Variants in TMEM94 observed in about 807,000 individuals in gnomAD.
TMEM94 encodes ER Mg2+ ATPase.
A neutral mutation model predicts 158.6 loss-of-function variants in TMEM94; 81 were observed. That is an observed-to-expected ratio of 0.51 (90% CI 0.43 to 0.61). TMEM94 has a LOEUF of 0.61. Among genes scored for constraint, TMEM94 ranks in the 20% least tolerant of loss-of-function variants. TMEM94 has a pLI of 0.00. For synonymous variants in TMEM94, 751 were observed against 730.7 expected (o/e 1.03, Z -0.45); for missense variants, 1,435 against 1,762.0 (o/e 0.81, Z 3.32).
At chr17:75,497,057 T>C in intron 25 of TMEM94, 56 bp from the exon 26 acceptor site, 2 of 1,487,678 alleles carry the variant, frequency 1.3e-6, no homozygotes, top group South Asian at 1.1e-5. Context: ...GGGGCTCCTA[T>C]GCCCTTATTA....
At chr17:75,465,736 G>A (rs1203277137) in intron 1 of TMEM94, among the ~76,000 whole-genome samples, 1 of 146,730 alleles carries the variant, frequency 6.8e-6, no homozygotes, top group Non-Finnish European at 1.5e-5. Context: ...ACGTGATTTT[G>A]GTATGTTGCT....
chr17:75,476,887 G>T, intron 2 of TMEM94: 1 of 1,346,778 alleles, frequency 7.4e-7, no homozygotes. Context: ...ATGGGTAGCT[G>T]GGACCTGGGA....
At chr17:75,490,087 A>G (rs1411311709) in intron 9 of TMEM94, 147 bp from the exon 10 acceptor site, 1 of 1,257,630 alleles carries the variant, frequency 8.0e-7, no homozygotes, top group Non-Finnish European at 1.1e-6. Flanking sequence ...CAAAAAAAAA[A>G]AAAAAGAACA....
rs368479693 is a variant in TMEM94 at position 75,473,186 on chromosome 17, G to T, written c.24+1257G>T. ...AGGCTGGCTGACTGCTTTCTGTTCAGCTCCAGGCTTCCTATGTCTCTGGAC... is the reference window on the plus strand; with the variant it reads ...AGGCTGGCTGACTGCTTTCTGTTCATCTCCAGGCTTCCTATGTCTCTGGAC... On this transcript the variant is annotated intron_variant, in intron 2 of 31. Transcript: ENST00000314256. Among the ~76,000 whole-genome samples the T allele has an allele frequency of 3.3e-4, 50 of 152,300 alleles. 1 individual carries two copies. Among genetic ancestry groups the T allele is most frequent in the East Asian group, 2.1e-3 (11 of 5,190 alleles).
chr17:75,492,013 TC>T lies in TMEM94; in HGVS notation c.1596+116del. On this transcript the variant is annotated intron_variant, in intron 14 of 31. Transcript: ENST00000314256. The surrounding 1 kb of genome is among the most constrained non-coding windows in gnomAD (Gnocchi z 4.4). ...AAAGAGCAGGCGTCTCTGCCCTCTGTCCCAGCACCTCCAGGCTAGGCCAGTG... is the reference window on the plus strand; with the variant it reads ...AAAGAGCAGGCGTCTCTGCCCTCTGTCCAGCACCTCCAGGCTAGGCCAGTG... 9.1e-7 allele frequency: 1 copy of T among 1,095,912 alleles called. No individual in the cohort carries two copies. Among genetic ancestry groups the T allele is most frequent in the Non-Finnish European group, 1.3e-6 (1 of 756,480 alleles). 67.9% of individuals were successfully genotyped at this position (1,095,912 alleles called of 1,614,324 possible).
chr17:75,476,452 G>T, intron 2 of TMEM94: 1 of 1,319,998 alleles, frequency 7.6e-7, no homozygotes, highest in Non-Finnish European at 9.8e-7. Context: ...CAGGGCTGCT[G>T]CCTCCTCCTC....
In TMEM94 at chr17:75,487,858, G is replaced by A; in HGVS notation, c.410-74G>A. 7.9e-7 allele frequency: 1 copy of A among 1,273,004 alleles called. No homozygotes were observed. Among genetic ancestry groups the A allele is most frequent in the Non-Finnish European group, 1.1e-6 (1 of 884,390 alleles). 78.9% of individuals were successfully genotyped at this position (1,273,004 alleles called of 1,614,324 possible). A position where few individuals can be genotyped will look rare whatever the true frequency, so the allele number is the denominator to read the frequency against. ...AGGAAGTGGGCAGACAGTGCTTCCG[G>A]AAGTGCTGCTGTATCTGACTGGGGG... On this transcript the variant is annotated intron_variant, in intron 5 of 31. Coordinates refer to ENST00000314256, the MANE Select transcript of TMEM94 (RefSeq NM_014738.6). The surrounding 1 kb of genome is among the most constrained non-coding windows in gnomAD (Gnocchi z 4.6).
At chr17:75,476,835 A>G in intron 2 of TMEM94, 2 of 1,516,892 alleles carry the variant, frequency 1.3e-6, no homozygotes, top group Non-Finnish European at 1.8e-6. Context: ...TTGCTGTGAG[A>G]GTCCTGAAGA....
chr17:75,481,539 T>C (rs2051159884), intron 2 of TMEM94, among the ~76,000 whole-genome samples: 1 of 152,190 alleles, frequency 6.6e-6, no homozygotes, highest in African/African-American at 2.4e-5. Flanking sequence ...CCACTCTTAC[T>C]TATGGGATGT....
chr17:75,462,390 A>C (rs568773013), intron 1 of TMEM94, among the ~76,000 whole-genome samples: 27 of 151,960 alleles, frequency 1.8e-4, no homozygotes, highest in Admixed American at 9.8e-4. Flanking sequence ...TGGAGAAGCT[A>C]TTGGATTTTT....
rs756609556 is a variant in TMEM94 at position 75,486,002 on chromosome 17, T to C, written c.272+4T>C. The C allele has an allele frequency of 4.4e-6, 7 of 1,584,928 alleles. No homozygotes were observed. The highest frequency in any genetic ancestry group is 5.1e-6 in the Non-Finnish European group (6 of 1,169,342). On this transcript the variant is annotated splice_donor_region_variant and intron_variant, in intron 4 of 31. Transcript: ENST00000314256. ...GCGGGGGACAGCCAGCCGGGAGGTG[T>C]GCGCCCAGGGGCTGCTCCCCAACCT...
In TMEM94 at chr17:75,465,005, G is replaced by A. The variant is rs2050252957; in HGVS notation, c.-106-6795G>A. ...TGAGCCACTGCACCCGGCTCTTTTT[G>A]TTGTTGTTGTTAGAGACAGGGTCTC... On this transcript the variant is annotated intron_variant, in intron 1 of 31. Coordinates refer to ENST00000314256, the MANE Select transcript of TMEM94 (RefSeq NM_014738.6). Among the ~76,000 whole-genome samples the A allele has an allele frequency of 2.0e-5, 3 of 151,796 alleles. No individual in the cohort carries two copies. The South Asian group carries it at 6.2e-4, about 32-fold the overall frequency.
At chr17:75,463,176 G>A (rs1474824762) in intron 1 of TMEM94, among the ~76,000 whole-genome samples, 456 of 8,972 alleles carry the variant, frequency 0.051, 70 homozygotes, top group African/African-American at 0.29. Flanking sequence ...GTGTGTGTGT[G>A]TGTATATATA....
intron 31 of TMEM94, 90 bp downstream of exon 31, chr17:75,499,172 G>A (rs1475972315): frequency 2.5e-6 from 4 of 1,590,880 alleles, no homozygotes; most frequent in Non-Finnish European, 3.4e-6. Flanking sequence ...CCTTTCCGCT[G>A]CCCATCCCTC....
chr17:75,471,745 C>T (rs1224541050), intron 1 of TMEM94, 55 bp from the exon 2 acceptor site: 3 of 653,336 alleles, frequency 4.6e-6, no homozygotes, highest in Non-Finnish European at 8.0e-6. Context: ...TGTTGTGTTT[C>T]ACAGTAGCTG....
At chr17:75,474,918 C>T (rs1226385778) in intron 2 of TMEM94, among the ~76,000 whole-genome samples, 2 of 152,106 alleles carry the variant, frequency 1.3e-5, no homozygotes, top group Admixed American at 1.3e-4. Flanking sequence ...GGGTGCAGGG[C>T]TCCCTTCTCC....
chr17:75,477,941 G>A (rs1322386003), intron 2 of TMEM94, among the ~76,000 whole-genome samples: 1 of 149,640 alleles, frequency 6.7e-6, no homozygotes, highest in African/African-American at 2.5e-5. Context: ...CCCGAGAGAC[G>A]GAGGTTGTGG....
At position 75,492,504 on chromosome 17, in the gene TMEM94, G is replaced by A. The variant is rs987008246; in HGVS notation, c.1627G>A (p.Glu543Lys). 20 of 1,605,948 alleles carry A rather than the reference G, an allele frequency of 1.2e-5. No homozygotes were observed. In the African/African-American group the frequency reaches 1.9e-4, roughly 15 times the overall value. The part of the protein sequence containing the change: ...TQPGMESDPY[E>K]AEDFVCDYHL... The stretch of plus-strand genomic sequence containing the variant: ...GCCTGGGATGGAGAGCGACCCCTAC[G>A]AAGCAGAGGACTTTGTGTGTGACTA... Residue 543 changes from glutamate (E) to lysine (K), a missense_variant, in exon 15 of 32, where the codon GAA (glutamate) becomes AAA (lysine). Around this residue, in one of 3 missense-constraint regions of TMEM94, gnomAD observed 1,051 missense variants for 1,254.4 expected, o/e 0.84. Coordinates refer to ENST00000314256, the MANE Select transcript of TMEM94 (RefSeq NM_014738.6). This position sits in a 1 kb window ranked among gnomAD's most constrained non-coding sequence, Gnocchi z 4.4.
chr17:75,480,387 C>T (rs1300803094), intron 2 of TMEM94, among the ~76,000 whole-genome samples: 2 of 152,242 alleles, frequency 1.3e-5, no homozygotes, highest in African/African-American at 4.8e-5. Context: ...CAAGCGGGGG[C>T]AGATGCACAC....
Sources: gnomAD v4.1 joint callset for allele counts (sites outside exome capture counted in the v4.1 genomes callset) on GRCh38, gnomAD v4.1.1 for gene constraint, gnomAD v4.1.1 regional missense constraint, Gnocchi (gnomAD v3.1) non-coding constraint, MANE v1.5 for transcripts, NCBI Gene and HGNC (gene_info 2026-07-23, HGNC 2026-07-21) for gene names.